The following SRSF1 variants were observed in gnomAD, a reference collection of about 807,000 sequenced individuals.
SRSF1 encodes the protein serine and arginine rich splicing factor 1, also known as serine/arginine-rich splicing factor 1.
SRSF1 carries 1 observed loss-of-function variant against 25.9 expected under a neutral mutation model. The ratio of observed to expected loss-of-function variants is 0.04; its 90% CI spans 0.01 to 0.18. The LOEUF is 0.18. Ranked by LOEUF, SRSF1 falls within the 10% of genes least tolerant of loss-of-function variation. The probability of loss-of-function intolerance (pLI) is 1.00; values close to 1 mark genes in which losing one functional copy is unlikely to be tolerated. For missense variants in SRSF1, 65 were observed against 350.5 expected (o/e 0.19, Z 6.50); for synonymous variants, 132 against 126.2 (o/e 1.05, Z -0.31).
rs1203544372 is a variant in SRSF1, at chr17:58,005,711, C to T, written c.552+90G>A. ...CCAGAAATCTGGCAATTTACTTGGA[C>T]AACCTTGCCTGAATCCTTACCTTGA... On this transcript the variant is annotated intron_variant, in intron 3 of 3. Coordinates refer to ENST00000258962, the MANE Select transcript of SRSF1 (RefSeq NM_006924.5). The surrounding 1 kb of genome is among the most constrained non-coding windows in gnomAD (Gnocchi z 5.2). The T allele has an allele frequency of 3.7e-6, 6 of 1,608,362 alleles. No homozygotes were observed. The African/African-American group carries it at 6.7e-5, about 18-fold the overall frequency.
rs2075394387 is a variant in SRSF1, at chr17:58,002,002, A to G, written c.*3404T>C. ...TTTACATTTTTTGGTCATTTCCAAAACATTCAATGAACACAAATGAACCAA... is the reference window on the plus strand; with the variant it reads ...TTTACATTTTTTGGTCATTTCCAAAGCATTCAATGAACACAAATGAACCAA... On this transcript the variant is annotated 3_prime_UTR_variant, in exon 4 of 4. Coordinates refer to ENST00000258962, the MANE Select transcript of SRSF1 (RefSeq NM_006924.5). Among the ~76,000 whole-genome samples the G allele has an allele frequency of 6.6e-6, 1 of 152,226 alleles. No individual in the cohort carries two copies. The highest frequency in any genetic ancestry group is 6.5e-5 in the Admixed American group (1 of 15,278).
the SRSF1 span, chr17:57,993,693 T>C: frequency 6.6e-6 from 1 of 152,190 alleles, no homozygotes; most frequent in Non-Finnish European, 1.5e-5. Context: ...ATTATTAAGG[T>C]ACACAGGGAA....
downstream of SRSF1, among the ~76,000 whole-genome samples, chr17:57,998,766 G>C (rs76257397): frequency 0.045 from 6,802 of 152,192 alleles, 188 homozygotes; most frequent in Non-Finnish European, 0.06. Context: ...GTGTAAACTT[G>C]ATTACTTTTC....
In SRSF1 at chr17:58,001,371, A is replaced by G. The variant is rs1181640717; in HGVS notation, c.*4035T>C. Among the ~76,000 whole-genome samples, 1 of 152,198 alleles carries G rather than the reference A, an allele frequency of 6.6e-6. No homozygotes were observed. The highest frequency in any genetic ancestry group is 2.4e-5 in the African/African-American group (1 of 41,464). On this transcript the variant is annotated 3_prime_UTR_variant, in exon 4 of 4. Transcript: ENST00000258962. ...TAAAGCATAAAACTTAGGAAAAATC[A>G]TTTTACGGGGAATCTATTCATATTC...
downstream of SRSF1, among the ~76,000 whole-genome samples, chr17:58,000,213 T>C (rs552185726): frequency 6.6e-6 from 1 of 152,296 alleles, no homozygotes; most frequent in African/African-American, 2.4e-5. Flanking sequence ...TCAGGGTTGT[T>C]AGGCATTAGC....
At chr17:57,998,098 A>G (rs182672541), downstream of SRSF1, among the ~76,000 whole-genome samples, 1 of 151,300 alleles carries the variant, frequency 6.6e-6, no homozygotes, top group East Asian at 1.9e-4. Flanking sequence ...CACCTGTAAT[A>G]CCAGCTACTT....
At chr17:57,989,866 AC>A in the SRSF1 span, 1 of 397,698 alleles carries the variant, frequency 2.5e-6, no homozygotes, top group Non-Finnish European at 4.4e-6. Context: ...TGCTATGGTC[AC>A]CCCCATGTCT....
rs1320948139 is a variant in SRSF1, at chr17:58,001,262, A to C, written c.*4144T>G. 6.6e-6 allele frequency among the ~76,000 whole-genome samples: 1 copy of C among 152,198 alleles called. No individual in the cohort carries two copies. Among genetic ancestry groups the C allele is most frequent in the East Asian group, 1.9e-4 (1 of 5,206 alleles). On this transcript the variant is annotated 3_prime_UTR_variant, in exon 4 of 4. Coordinates refer to ENST00000258962, the MANE Select transcript of SRSF1 (RefSeq NM_006924.5). ...CCAAGACAATGTTTCAAAGACAACA[A>C]ACACCAAGAAAAGTTGAGATTCTAC...
At chr17:57,999,875 C>A (rs1311229242), downstream of SRSF1, among the ~76,000 whole-genome samples, 1 of 152,128 alleles carries the variant, frequency 6.6e-6, no homozygotes, top group East Asian at 1.9e-4. Context: ...CACAGTTCTA[C>A]CAATAGTTGG....
rs899742867 is a variant in SRSF1 at position 58,002,939 on chromosome 17, G to T, written c.*2467C>A. 5.9e-5 allele frequency among the ~76,000 whole-genome samples: 9 copies of T among 152,192 alleles called. No individual in the cohort carries two copies. Among genetic ancestry groups the T allele is most frequent in the Non-Finnish European group, 1.2e-4 (8 of 68,016 alleles). On this transcript the variant is annotated 3_prime_UTR_variant, in exon 4 of 4. Transcript: ENST00000258962. Reference sequence around the variant, plus strand: ...GAGGCACGAGAATCACTCAAATCCAGGGGTGGAGGTTGCAGTGAGCCTAGA... The same window carrying T: ...GAGGCACGAGAATCACTCAAATCCATGGGTGGAGGTTGCAGTGAGCCTAGA...
Position 58,005,362 on chromosome 17 carries a change from A to C in SRSF1, c.*44T>G, listed in dbSNP as rs2233912. 38 of 1,599,228 alleles carry C rather than the reference A, an allele frequency of 2.4e-5. No homozygotes were observed. The East Asian group carries it at 6.9e-4, about 29-fold the overall frequency. On this transcript the variant is annotated 3_prime_UTR_variant, in exon 4 of 4. Coordinates refer to ENST00000258962, the MANE Select transcript of SRSF1 (RefSeq NM_006924.5). This position sits in a 1 kb window ranked among gnomAD's most constrained non-coding sequence, Gnocchi z 5.2. ...GAAAAGATTGTACTGAATAAAGGAA[A>C]ACTGTATACAACATGGGTTCTACAA...
At chr17:57,994,260 T>C in the SRSF1 span, 1 of 152,234 alleles carries the variant, frequency 6.6e-6, no homozygotes, top group Non-Finnish European at 1.5e-5. Context: ...GTGAAACTGA[T>C]TCTGAAGCCT....
chr17:57,996,309 CCT>C (rs1385497524), downstream of SRSF1, among the ~76,000 whole-genome samples: 2 of 151,740 alleles, frequency 1.3e-5, no homozygotes, highest in Admixed American at 1.3e-4. Context: ...ATAGTGAAAC[CCT>C]GTCTCTACTA....
Position 58,004,900 on chromosome 17 carries a change from G to T in SRSF1, c.*506C>A. The T allele has an allele frequency of 2.5e-6, 1 of 400,100 alleles. No individual in the cohort carries two copies. The highest frequency in any genetic ancestry group is 1.3e-4 in the South Asian group (1 of 7,936). The allele number at this position is 400,100 out of a possible 1,614,324, so 24.8% of individuals were successfully genotyped here. On this transcript the variant is annotated 3_prime_UTR_variant, in exon 4 of 4. Coordinates refer to ENST00000258962, the MANE Select transcript of SRSF1 (RefSeq NM_006924.5). ...GGTCAATACTGCCAATTTCATCTGT[G>T]ACAATAGCACTTGGAGTCATACCAT...
chr17:58,006,176 T>C lies in SRSF1; in HGVS notation c.379+167A>G, dbSNP rs1011985972. The C allele has an allele frequency of 6.9e-6, 7 of 1,015,638 alleles. No individual in the cohort carries two copies. In the African/African-American group the frequency reaches 1.1e-4, roughly 17 times the overall value. The allele number at this position is 1,015,638 out of a possible 1,614,324, so 62.9% of individuals were successfully genotyped here. ...TTCGTATCTAGTACCGCAACCTAAT[T>C]TGGTAAATCACCACAGCAGCAATCC... On this transcript the variant is annotated intron_variant, in intron 2 of 3. Transcript: ENST00000258962.
intron 1 of SRSF1, 166 bp from the exon 2 acceptor site, chr17:58,006,693 A>C (rs2075431283): frequency 2.2e-6 from 2 of 929,416 alleles, no homozygotes; most frequent in Non-Finnish European, 3.1e-6. Context: ...CCAGGCTCCC[A>C]ACCACTACAC....
At chr17:58,000,658 A>G (rs544178692), downstream of SRSF1, among the ~76,000 whole-genome samples, 20 of 152,306 alleles carry the variant, frequency 1.3e-4, no homozygotes, top group African/African-American at 4.3e-4. Context: ...AGGATTCACA[A>G]TAACAGGTTT....
chr17:57,999,213 C>A (rs962976003), downstream of SRSF1, among the ~76,000 whole-genome samples: 2 of 152,128 alleles, frequency 1.3e-5, no homozygotes, highest in African/African-American at 4.8e-5. Flanking sequence ...CTGAGAAGAT[C>A]ATCACACCTG....
At chr17:58,006,574 A>C in intron 1 of SRSF1, 47 bp from the exon 2 acceptor site, 1 of 1,547,878 alleles carries the variant, frequency 6.5e-7, no homozygotes, top group South Asian at 1.2e-5. Flanking sequence ...CCAGGAGGAG[A>C]AGCTCGCTCA....
Sources: gnomAD v4.1 joint callset for allele counts (sites outside exome capture counted in the v4.1 genomes callset) on GRCh38, gnomAD v4.1.1 for gene constraint, Gnocchi (gnomAD v3.1) non-coding constraint, MANE v1.5 for transcripts, NCBI Gene and HGNC (gene_info 2026-07-23, HGNC 2026-07-21) for gene names.